The following PEMT variants were observed in gnomAD, a reference collection of about 807,000 sequenced individuals.
PEMT encodes phosphatidylethanolamine N-methyltransferase.
A neutral mutation model predicts 27.4 loss-of-function variants in PEMT; 23 were observed. The observed-to-expected ratio is 0.84, with a 90% CI of 0.60 to 1.19. PEMT has a LOEUF of 1.19. Among genes scored for constraint, PEMT ranks in the 50% most tolerant of loss-of-function variants. The pLI is 0.00. For synonymous variants in PEMT, 137 were observed against 139.1 expected (o/e 0.98, Z 0.11); for missense variants, 307 against 310.1 (o/e 0.99, Z 0.07).
intron 2 of PEMT, among the ~76,000 whole-genome samples, chr17:17,528,142 A>AGGAC (rs1907827234): frequency 6.6e-6 from 1 of 152,244 alleles, no homozygotes; most frequent in South Asian, 2.1e-4. Flanking sequence ...TTTTGTTTAG[A>AGGAC]GGACGTGGGC....
intron 4 of PEMT, among the ~76,000 whole-genome samples, chr17:17,511,019 C>G (rs1159903714): frequency 6.6e-6 from 1 of 152,158 alleles, no homozygotes; most frequent in Non-Finnish European, 1.5e-5. Context: ...ATCGGTCCAA[C>G]CTCTTCCTTG....
At chr17:17,507,355 C>A in intron 5 of PEMT, 1 of 658,818 alleles carries the variant, frequency 1.5e-6, no homozygotes, top group South Asian at 1.7e-5. Context: ...CCCAGCCAAA[C>A]CATCACAAGA....
intron 2 of PEMT, among the ~76,000 whole-genome samples, chr17:17,560,470 G>A (rs77943019): frequency 0.029 from 4,469 of 152,318 alleles, 161 homozygotes; most frequent in African/African-American, 0.088. Context: ...TACCTATCCA[G>A]AAAAGGGTAG....
chr17:17,586,948 AGCCGAGATTGCACCACTGC>A (rs1912349210), intron 1 of PEMT, among the ~76,000 whole-genome samples: 2 of 152,168 alleles, frequency 1.3e-5, no homozygotes, highest in South Asian at 4.1e-4. Flanking sequence ...GGTTGCAGTG[AGCCGAGATTGCACCACTGC>A]ATTCCAGCCT....
intron 4 of PEMT, among the ~76,000 whole-genome samples, chr17:17,511,242 C>T (rs1397255171): frequency 6.6e-6 from 1 of 152,190 alleles, no homozygotes; most frequent in African/African-American, 2.4e-5. Flanking sequence ...CCTGCCCGCA[C>T]CTGCCCCCAC....
chr17:17,591,470 C>G, intron 1 of PEMT, 61 bp downstream of exon 1: 2 of 1,368,986 alleles, frequency 1.5e-6, no homozygotes, highest in South Asian at 2.5e-5. Flanking sequence ...CAAGCCTTCA[C>G]GCCCCTCGGG....
chr17:17,546,013 C>A (rs1307250494), intron 2 of PEMT, among the ~76,000 whole-genome samples: 1 of 152,218 alleles, frequency 6.6e-6, no homozygotes, highest in South Asian at 2.1e-4. Context: ...CCTGGGCCAC[C>A]TTGCCTGGGC....
At position 17,522,395 on chromosome 17, in the gene PEMT, C is replaced by G. The variant is rs761487331; in HGVS notation, c.205G>C (p.Val69Leu). The G allele has an allele frequency of 1.6e-5, 26 of 1,608,228 alleles. No homozygotes were observed. The highest frequency in any genetic ancestry group is 1.9e-5 in the Non-Finnish European group (22 of 1,175,080). ...CGGGTCTTGTGTTCCCATCGTGCAA[C>G]CTAAACCGTGAGCAGAGAACAAGAA... ...ITFNPLYWNVVARWEHKTRKL... is the reference protein window; with the variant it reads ...ITFNPLYWNVLARWEHKTRKL... The change falls in exon 3 of 7, where the codon GTT becomes CTT. Residue 69 changes from valine (V) to leucine (L), a missense_variant and splice_region_variant. By Grantham distance (32) the Val-to-Leu change is conservative. Coordinates refer to ENST00000255389, the MANE Select transcript of PEMT (RefSeq NM_148172.3).
chr17:17,539,989 G>A (rs1355288159), intron 2 of PEMT, among the ~76,000 whole-genome samples: 1 of 152,246 alleles, frequency 6.6e-6, no homozygotes, highest in African/African-American at 2.4e-5. Flanking sequence ...GCCCACCCCA[G>A]GAGTGCAGGG....
chr17:17,555,636 TGGCC>T (rs1909996305), intron 2 of PEMT, among the ~76,000 whole-genome samples: 1 of 152,104 alleles, frequency 6.6e-6, no homozygotes, highest in Admixed American at 6.5e-5. Context: ...ACTCAGAAGG[TGGCC>T]TGGGCTCCCC....
At chr17:17,517,405 C>G (rs567681394) in intron 3 of PEMT, among the ~76,000 whole-genome samples, 1 of 152,360 alleles carries the variant, frequency 6.6e-6, no homozygotes, top group South Asian at 2.1e-4. Flanking sequence ...GAACGCTGCA[C>G]ACGCCCAGCC....
chr17:17,551,649 C>G (rs1909662749), intron 2 of PEMT, among the ~76,000 whole-genome samples: 1 of 152,174 alleles, frequency 6.6e-6, no homozygotes, highest in Non-Finnish European at 1.5e-5. Flanking sequence ...ACGGGACAGG[C>G]ACCAGGCACC....
At chr17:17,587,871 G>A (rs182329921) in intron 1 of PEMT, among the ~76,000 whole-genome samples, 39 of 152,182 alleles carry the variant, frequency 2.6e-4, no homozygotes, top group African/African-American at 7.5e-4. Flanking sequence ...GCAACAGAGC[G>A]AGACTCTGTC....
At chr17:17,527,835 C>T (rs529322770) in intron 2 of PEMT, among the ~76,000 whole-genome samples, 1 of 152,364 alleles carries the variant, frequency 6.6e-6, no homozygotes, top group East Asian at 1.9e-4. Flanking sequence ...CGCCGGCTGC[C>T]AGGCCTCTCC....
chr17:17,521,849 G>A (rs964173857), intron 3 of PEMT, among the ~76,000 whole-genome samples: 1 of 152,148 alleles, frequency 6.6e-6, no homozygotes, highest in Admixed American at 6.5e-5. Context: ...TTACAGGTGT[G>A]AGCCACCACG....
At chr17:17,524,933 C>T (rs2142548752) in intron 2 of PEMT, among the ~76,000 whole-genome samples, 1 of 152,236 alleles carries the variant, frequency 6.6e-6, no homozygotes, top group Non-Finnish European at 1.5e-5. Flanking sequence ...CACGGTGAAA[C>T]CCTGTCTCTA....
rs758611919 is a variant in PEMT, at chr17:17,506,266, A to C, written c.614T>G (p.Leu205Arg). 1.9e-6 allele frequency: 3 copies of C among 1,586,064 alleles called. No homozygotes were observed. The Admixed American group carries it at 5.3e-5, about 28-fold the overall frequency. Residue 205 changes from leucine (L) to arginine (R), a missense_variant, in exon 6 of 7, where the codon CTG becomes CGG. Physicochemically the swap from Leu to Arg is moderately radical, Grantham distance 102. Coordinates refer to ENST00000255389, the MANE Select transcript of PEMT (RefSeq NM_148172.3). ...AGCCACTATGTAGGTGAGGGCCACC[A>C]GCACCGTCAGGAGCAGGCCCGTGGG... ...ASPTGLLLTVLVALTYIVALL... is the reference protein window; with the variant it reads ...ASPTGLLLTVRVALTYIVALL...
intron 3 of PEMT, among the ~76,000 whole-genome samples, chr17:17,518,425 C>T (rs1468227408): frequency 2.6e-5 from 4 of 152,202 alleles, no homozygotes; most frequent in African/African-American, 4.8e-5. Flanking sequence ...AGCCCATCAG[C>T]CTTCCTCCCC....
At chr17:17,571,641 G>A (rs892996059) in intron 2 of PEMT, among the ~76,000 whole-genome samples, 2 of 151,998 alleles carry the variant, frequency 1.3e-5, no homozygotes, top group African/African-American at 4.8e-5. Flanking sequence ...TGGGCCTGGG[G>A]CCAAGGCCCC....
Sources: allele counts gnomAD v4.1 joint callset (sites outside exome capture counted in the v4.1 genomes callset), GRCh38; gene constraint gnomAD v4.1.1; transcripts MANE v1.5; gene names NCBI Gene and HGNC (gene_info 2026-07-23, HGNC 2026-07-21).